Variants in RGS5 observed in about 807,000 individuals in gnomAD.
RGS5 encodes regulator of G-protein signalling 5.
In RGS5, 20 loss-of-function variants were observed where a neutral mutation model predicts 18.9. The observed-to-expected ratio is 1.06, with a 90% CI of 0.74 to 1.54. The LOEUF (loss-of-function observed/expected upper bound fraction) is 1.54, where lower values mean the gene tolerates loss of function less well. RGS5 is among the 40% of genes most tolerant of loss of function. The pLI is 0.00. For missense variants in RGS5, 201 were observed against 211.8 expected (o/e 0.95, Z 0.32); for synonymous variants, 57 against 76.2 (o/e 0.75, Z 1.31).
chr1:163,166,321 T>TAA (rs67608619), intron 2 of RGS5, among the ~76,000 whole-genome samples: 2 of 151,764 alleles, frequency 1.3e-5, no homozygotes, highest in East Asian at 1.9e-4. Flanking sequence ...AAATACATGT[T>TAA]AAAAAATAGA....
intron 2 of RGS5, among the ~76,000 whole-genome samples, chr1:163,232,375 G>T (rs1427661044): frequency 6.6e-6 from 1 of 152,028 alleles, no homozygotes; most frequent in Non-Finnish European, 1.5e-5. Context: ...TATATTTCTG[G>T]TATACTGTTC....
chr1:163,288,941 T>A (rs1649212120), intron 2 of RGS5, among the ~76,000 whole-genome samples: 1 of 152,192 alleles, frequency 6.6e-6, no homozygotes, highest in Non-Finnish European at 1.5e-5. Context: ...CTTTCTCGAA[T>A]CTTCCCCTTC....
chr1:163,217,079 A>G (rs1033454511), intron 1 of RGS5, among the ~76,000 whole-genome samples: 2 of 152,158 alleles, frequency 1.3e-5, no homozygotes, highest in Non-Finnish European at 2.9e-5. Flanking sequence ...ACAGGGGCCT[A>G]CTTGAAGGAG....
rs1367658247 is a variant in RGS5 at position 163,147,451 on chromosome 1, G to T, written c.437C>A (p.Pro146His). 1.2e-6 allele frequency: 2 copies of T among 1,611,590 alleles called. No individual in the cohort carries two copies. Among genetic ancestry groups the T allele is most frequent in the African/African-American group, 2.7e-5 (2 of 74,852 alleles). Reference protein sequence around the residue: ...KDITMKNLVEPSLSSFDMAQK... With the variant: ...KDITMKNLVEHSLSSFDMAQK... ...GGCCATGTCAAAGCTGCTCAGGGAAGGTTCCACCAGGTTCTTCATTGTGAT... is the reference window on the plus strand; with the variant it reads ...GGCCATGTCAAAGCTGCTCAGGGAATGTTCCACCAGGTTCTTCATTGTGAT... Residue 146 changes from proline to histidine, a missense_variant, in exon 5 of 5, where the codon CCT (proline) becomes CAT (histidine). Pro to His is a moderately conservative substitution (Grantham distance 77). Transcript: ENST00000313961.
intron 2 of RGS5, among the ~76,000 whole-genome samples, chr1:163,271,287 C>T (rs1236568208): frequency 6.6e-6 from 1 of 152,064 alleles, no homozygotes; most frequent in African/African-American, 2.4e-5. Flanking sequence ...GCAAACTAAC[C>T]CCCAATGGAA....
At chr1:163,227,451 G>A (rs1006674176) in intron 2 of RGS5, among the ~76,000 whole-genome samples, 4 of 152,012 alleles carry the variant, frequency 2.6e-5, no homozygotes, top group African/African-American at 9.7e-5. Context: ...TCATTATCAC[G>A]AGAACAGCAT....
chr1:163,317,480 T>A (rs1354076825), intron 1 of RGS5, among the ~76,000 whole-genome samples: 1 of 152,212 alleles, frequency 6.6e-6, no homozygotes, highest in Non-Finnish European at 1.5e-5. Context: ...TGCCCCAGTA[T>A]AAACTGCCAT....
Position 163,290,750 on chromosome 1 carries a change from G to A in RGS5, c.-281+15483C>T, listed in dbSNP as rs190098934. On this transcript the variant is annotated intron_variant, in intron 2 of 5. Coordinates refer to the RGS5 transcript ENST00000618415. ...TCAGATTTCAAATATCAGAAAACGTGCTTCTCTTGATTCCTCTTTCATATC... is the reference window on the plus strand; with the variant it reads ...TCAGATTTCAAATATCAGAAAACGTACTTCTCTTGATTCCTCTTTCATATC... Among the ~76,000 whole-genome samples, 159 of 151,982 alleles carry A rather than the reference G, an allele frequency of 1.0e-3. No homozygotes were observed. In the Middle Eastern group the frequency reaches 0.017, roughly 16 times the overall value.
intron 2 of RGS5, among the ~76,000 whole-genome samples, chr1:163,258,776 C>A (rs560318047): frequency 6.6e-6 from 1 of 152,086 alleles, no homozygotes; most frequent in Non-Finnish European, 1.5e-5. Context: ...TCAAGCAATC[C>A]TCAATCTTCT....
chr1:163,181,370 T>G (rs1310903862), intron 1 of RGS5, among the ~76,000 whole-genome samples: 4 of 152,174 alleles, frequency 2.6e-5, no homozygotes, highest in African/African-American at 9.7e-5. Context: ...AGTCTCACTC[T>G]TTTCTTGAAA....
At position 163,157,088 on chromosome 1, in the gene RGS5, C is replaced by T. The variant is rs924676992; in HGVS notation, c.218-4372G>A. On this transcript the variant is annotated intron_variant, in intron 3 of 4. Coordinates refer to ENST00000313961, the MANE Select transcript of RGS5 (RefSeq NM_003617.4). ...AGATGTGTCTGGATTCAGGCTCCTT[C>T]ATTTCCCATGGACAAATCTAAATCA... Among the ~76,000 whole-genome samples the T allele has an allele frequency of 4.6e-5, 7 of 152,276 alleles. No homozygotes were observed. In the South Asian group the frequency reaches 8.3e-4, roughly 18 times the overall value.
At chr1:163,218,724 A>T (rs1337198999), upstream of RGS5, among the ~76,000 whole-genome samples, 1 of 152,216 alleles carries the variant, frequency 6.6e-6, no homozygotes, top group East Asian at 1.9e-4. Context: ...AACTTTACCC[A>T]AGGTAAAATT....
intron 2 of RGS5, among the ~76,000 whole-genome samples, chr1:163,164,532 C>T (rs1348282717): frequency 6.6e-6 from 1 of 152,198 alleles, no homozygotes; most frequent in East Asian, 1.9e-4. Flanking sequence ...CAATGAGGCA[C>T]TCACTGCCGA....
chr1:163,317,038 T>C (rs984151582), intron 1 of RGS5, among the ~76,000 whole-genome samples: 1 of 152,186 alleles, frequency 6.6e-6, no homozygotes, highest in Non-Finnish European at 1.5e-5. Flanking sequence ...TTTTTGTAAG[T>C]ATGCAAAGAA....
chr1:163,149,459 T>C (rs1571207910), intron 4 of RGS5, among the ~76,000 whole-genome samples: 2 of 152,348 alleles, frequency 1.3e-5, no homozygotes, highest in African/African-American at 4.8e-5. Flanking sequence ...AGGAGTGATG[T>C]ATTTAAAACC....
intron 1 of RGS5, chr1:163,308,673 A>T (rs1385292022): frequency 6.6e-6 from 1 of 152,198 alleles, no homozygotes; most frequent in Non-Finnish European, 1.5e-5. Context: ...TCAGTCTTTG[A>T]CTTTAAAGGT....
At chr1:163,247,213 C>T (rs921643450) in intron 2 of RGS5, among the ~76,000 whole-genome samples, 1 of 152,184 alleles carries the variant, frequency 6.6e-6, no homozygotes. Flanking sequence ...CAAATCTGCA[C>T]ATGTTCCCCC....
At chr1:163,206,495 A>AT (rs1659957797), upstream of RGS5, among the ~76,000 whole-genome samples, 1 of 152,220 alleles carries the variant, frequency 6.6e-6, no homozygotes, top group South Asian at 2.1e-4. Flanking sequence ...ATGTCCTCAT[A>AT]TACATATGTA....
intron 1 of RGS5, chr1:163,217,459 G>GCA: frequency 7.0e-7 from 1 of 1,437,108 alleles, no homozygotes; most frequent in Non-Finnish European, 9.2e-7. Flanking sequence ...AAATAACTAT[G>GCA]CACAGTCTTT....
Sources: gnomAD v4.1 joint callset for allele counts (sites outside exome capture counted in the v4.1 genomes callset) on GRCh38, gnomAD v4.1.1 for gene constraint, MANE v1.5 for transcripts, NCBI Gene and HGNC (gene_info 2026-07-23, HGNC 2026-07-21) for gene names.